The following KIRREL3 variants were observed in gnomAD, a reference collection of about 807,000 sequenced individuals.
KIRREL3 encodes kirre like nephrin family adhesion molecule 3.
In KIRREL3, 36 loss-of-function variants were observed where a neutral mutation model predicts 89.7. The ratio of observed to expected loss-of-function variants is 0.40; its 90% CI spans 0.31 to 0.53. The LOEUF is 0.53. Ranked by LOEUF, KIRREL3 falls within the 20% of genes least tolerant of loss-of-function variation. The pLI, the probability that KIRREL3 is intolerant of heterozygous loss-of-function variation, is 0.49. For synonymous variants in KIRREL3, 445 were observed against 441.4 expected (o/e 1.01, Z -0.10); for missense variants, 864 against 1,056.6 (o/e 0.82, Z 2.53).
intron 6 of KIRREL3, among the ~76,000 whole-genome samples, chr11:126,460,046 T>A (rs1205423796): frequency 1.3e-5 from 2 of 151,488 alleles, no homozygotes; most frequent in African/African-American, 4.9e-5. Flanking sequence ...GCCCATGGTG[T>A]CCTTAGTAAA....
At position 126,963,737 on chromosome 11, in the gene KIRREL3, T is replaced by A. The variant is rs374162120; in HGVS notation, c.55+36718A>T. 4.6e-5 allele frequency among the ~76,000 whole-genome samples: 7 copies of A among 152,292 alleles called. 1 individual carries two copies. The South Asian group carries it at 1.5e-3, about 32-fold the overall frequency. On this transcript the variant is annotated intron_variant, in intron 1 of 16. Coordinates refer to ENST00000525144, the MANE Select transcript of KIRREL3 (RefSeq NM_032531.4). Reference sequence around the variant, plus strand: ...ACACTTATGAAATGTGTTTCTTACGTCTTCAGCCAAGGCAACTTCCCTGAC... The same window carrying A: ...ACACTTATGAAATGTGTTTCTTACGACTTCAGCCAAGGCAACTTCCCTGAC...
intron 1 of KIRREL3, among the ~76,000 whole-genome samples, chr11:126,774,215 G>A (rs1950105206): frequency 1.3e-5 from 2 of 148,586 alleles, no homozygotes; most frequent in African/African-American, 5.0e-5. Flanking sequence ...AAGTAGAGAA[G>A]AGGGTTAAGG....
In KIRREL3 at chr11:126,976,625, G is replaced by T. The variant is rs1321650511; in HGVS notation, c.55+23830C>A. Among the ~76,000 whole-genome samples, 1 of 152,144 alleles carries T rather than the reference G, an allele frequency of 6.6e-6. No homozygotes were observed. Among genetic ancestry groups the T allele is most frequent in the Non-Finnish European group, 1.5e-5 (1 of 68,026 alleles). ...TTAATTTTGTTGAATCTAGTAATCA[G>T]ATTTGTTTTAAACATACCATAAGCA... is the stretch of plus-strand genomic sequence containing the variant. On this transcript the variant is annotated intron_variant, in intron 1 of 16. Coordinates refer to ENST00000525144, the MANE Select transcript of KIRREL3 (RefSeq NM_032531.4). The surrounding 1 kb of genome is among the most constrained non-coding windows in gnomAD (Gnocchi z 4.2).
intron 1 of KIRREL3, among the ~76,000 whole-genome samples, chr11:126,786,110 A>C (rs1414260954): frequency 6.6e-6 from 1 of 152,114 alleles, no homozygotes; most frequent in East Asian, 1.9e-4. Flanking sequence ...GAAATGGTTA[A>C]ATAAATCATG....
intron 1 of KIRREL3, among the ~76,000 whole-genome samples, chr11:126,762,593 C>T (rs1349483691): frequency 6.6e-6 from 1 of 152,162 alleles, no homozygotes; most frequent in African/African-American, 2.4e-5. Flanking sequence ...CCCCGTTGAC[C>T]AGAATCTGGT....
At chr11:126,542,856 T>C (rs1197176172) in intron 2 of KIRREL3, among the ~76,000 whole-genome samples, 1 of 152,198 alleles carries the variant, frequency 6.6e-6, no homozygotes, top group Non-Finnish European at 1.5e-5. Context: ...TGACTATATA[T>C]GTGTCCTAAT....
intron 1 of KIRREL3, among the ~76,000 whole-genome samples, chr11:126,984,047 A>C (rs906949605): frequency 1.1e-4 from 16 of 152,238 alleles, no homozygotes; most frequent in African/African-American, 3.9e-4. Context: ...CCACTGAGAA[A>C]ACTTGCACGC....
At chr11:126,560,315 A>C (rs937686300) in intron 2 of KIRREL3, among the ~76,000 whole-genome samples, 5 of 152,060 alleles carry the variant, frequency 3.3e-5, no homozygotes, top group African/African-American at 1.2e-4. Context: ...TATATTACCA[A>C]CCACCTCCAT....
rs566531867 is a variant in KIRREL3 at position 126,820,561 on chromosome 11, G to A, written c.55+179894C>T. Among the ~76,000 whole-genome samples the A allele has an allele frequency of 4.6e-5, 7 of 152,272 alleles. No individual in the cohort carries two copies. The South Asian group carries it at 1.5e-3, about 32-fold the overall frequency. Reference sequence around the variant, plus strand: ...ATAAGAGGTAAAAAATTTTGTTGAAGGAGGGAGCAGAAAAACTTAAAGCAG... The same window carrying A: ...ATAAGAGGTAAAAAATTTTGTTGAAAGAGGGAGCAGAAAAACTTAAAGCAG... On this transcript the variant is annotated intron_variant, in intron 1 of 16. Coordinates refer to ENST00000525144, the MANE Select transcript of KIRREL3 (RefSeq NM_032531.4).
At chr11:126,589,820 C>T (rs929731337) in intron 1 of KIRREL3, among the ~76,000 whole-genome samples, 3 of 152,180 alleles carry the variant, frequency 2.0e-5, no homozygotes, top group Non-Finnish European at 4.4e-5. Flanking sequence ...CCTGCCACCT[C>T]ACCTGACCTT....
chr11:126,624,164 C>G lies in KIRREL3; in HGVS notation c.56-61252G>C, dbSNP rs945113240. Among the ~76,000 whole-genome samples, 4 of 152,082 alleles carry G rather than the reference C, an allele frequency of 2.6e-5. No individual in the cohort carries two copies. Among genetic ancestry groups the G allele is most frequent in the Non-Finnish European group, 4.4e-5 (3 of 68,008 alleles). On this transcript the variant is annotated intron_variant, in intron 1 of 16. Coordinates refer to ENST00000525144, the MANE Select transcript of KIRREL3 (RefSeq NM_032531.4). This position sits in a 1 kb window ranked among gnomAD's most constrained non-coding sequence, Gnocchi z 6.0. ...GAAAATGGCATTTTGGGTCAAGTCA[C>G]TAGGAATGAAGAACTAGAATACAGG...
At chr11:126,759,455 A>G (rs908004438) in intron 1 of KIRREL3, among the ~76,000 whole-genome samples, 2 of 152,244 alleles carry the variant, frequency 1.3e-5, no homozygotes, top group African/African-American at 4.8e-5. Context: ...TGCATGTCAT[A>G]TATTAGAACC....
Position 126,531,586 on chromosome 11 carries a change from C to A in KIRREL3, c.134-4899G>T, listed in dbSNP as rs932145699. Among the ~76,000 whole-genome samples the A allele has an allele frequency of 1.3e-5, 2 of 151,842 alleles. No homozygotes were observed. The highest frequency in any genetic ancestry group is 6.6e-5 in the Admixed American group (1 of 15,240). On this transcript the variant is annotated intron_variant, in intron 2 of 16. Coordinates refer to ENST00000525144, the MANE Select transcript of KIRREL3 (RefSeq NM_032531.4). This position sits in a 1 kb window ranked among gnomAD's most constrained non-coding sequence, Gnocchi z 4.7. ...CAAGGCTCCCCCACCCAAGGCCCCC[C>A]CTAAGCAACCCCACCTATCATTGAA...
At chr11:126,984,074 C>T (rs150484038) in intron 1 of KIRREL3, among the ~76,000 whole-genome samples, 3 of 152,224 alleles carry the variant, frequency 2.0e-5, no homozygotes, top group African/African-American at 7.2e-5. Flanking sequence ...AGCCACATGG[C>T]ACCTTGTCTT....
rs953219264 is a variant in KIRREL3 at position 126,754,716 on chromosome 11, T to C, written c.56-191804A>G. Among the ~76,000 whole-genome samples, 2 of 152,170 alleles carry C rather than the reference T, an allele frequency of 1.3e-5. No homozygotes were observed. Among genetic ancestry groups the C allele is most frequent in the Non-Finnish European group, 2.9e-5 (2 of 68,032 alleles). ...TCTTCTCCTTCTTAATAATCTCCCGTCTAAGTGCAGGTCTTGATTAAGGCT... is the reference window on the plus strand; with the variant it reads ...TCTTCTCCTTCTTAATAATCTCCCGCCTAAGTGCAGGTCTTGATTAAGGCT... On this transcript the variant is annotated intron_variant, in intron 1 of 16. Transcript: ENST00000525144. The surrounding 1 kb of genome is among the most constrained non-coding windows in gnomAD (Gnocchi z 5.1).
chr11:126,607,304 G>T lies in KIRREL3; in HGVS notation c.56-44392C>A, dbSNP rs1278869966. 6.6e-6 allele frequency among the ~76,000 whole-genome samples: 1 copy of T among 152,258 alleles called. No individual in the cohort carries two copies. The highest frequency in any genetic ancestry group is 6.5e-5 in the Admixed American group (1 of 15,288). On this transcript the variant is annotated intron_variant, in intron 1 of 16. Coordinates refer to ENST00000525144, the MANE Select transcript of KIRREL3 (RefSeq NM_032531.4). This position sits in a 1 kb window ranked among gnomAD's most constrained non-coding sequence, Gnocchi z 6.6. The stretch of plus-strand genomic sequence containing the variant: ...CGAGGAAGTCGCCATAACACATTTG[G>T]TGTGGTTTTGGGCAGACAGAACGGG...
intron 6 of KIRREL3, among the ~76,000 whole-genome samples, chr11:126,457,301 G>A (rs1312583692): frequency 6.6e-6 from 1 of 151,666 alleles, no homozygotes; most frequent in Non-Finnish European, 1.5e-5. Flanking sequence ...GTGTATGCGT[G>A]TGTATGTCTC....
rs988714309 is a variant in KIRREL3, at chr11:126,569,019, C to A, written c.56-6107G>T. ...GGCTGTCATGGGAGAGGCCAAGGAACCAGAGAGCTTGGGAATGGAGAGGAA... is the reference window on the plus strand; with the variant it reads ...GGCTGTCATGGGAGAGGCCAAGGAAACAGAGAGCTTGGGAATGGAGAGGAA... On this transcript the variant is annotated intron_variant, in intron 1 of 16. Transcript: ENST00000525144. This position sits in a 1 kb window ranked among gnomAD's most constrained non-coding sequence, Gnocchi z 6.5. 2.6e-5 allele frequency among the ~76,000 whole-genome samples: 4 copies of A among 151,908 alleles called. No individual in the cohort carries two copies. Among genetic ancestry groups the A allele is most frequent in the Non-Finnish European group, 5.9e-5 (4 of 68,008 alleles).
At position 126,457,533 on chromosome 11, in the gene KIRREL3, C is replaced by T. The variant is rs779682275; in HGVS notation, c.743-1079G>A. 6.0e-5 allele frequency among the ~76,000 whole-genome samples: 9 copies of T among 149,074 alleles called. 1 individual carries two copies. Among genetic ancestry groups the T allele is most frequent in the Non-Finnish European group, 1.2e-4 (8 of 67,064 alleles). ...TGTGTGTGTGTATGTGTGTGTAGAG[C>T]GAGAGAGAGAGAGACAAAGATGAGG... On this transcript the variant is annotated intron_variant, in intron 6 of 16. Coordinates refer to ENST00000525144, the MANE Select transcript of KIRREL3 (RefSeq NM_032531.4).
Sources: gnomAD v4.1 joint callset for allele counts (sites outside exome capture counted in the v4.1 genomes callset) on GRCh38, gnomAD v4.1.1 for gene constraint, Gnocchi (gnomAD v3.1) non-coding constraint, MANE v1.5 for transcripts, NCBI Gene and HGNC (gene_info 2026-07-23, HGNC 2026-07-21) for gene names.